Variants in SYTL5 observed in about 807,000 individuals in gnomAD.
SYTL5 encodes the protein synaptotagmin-like protein 5.
In SYTL5, 34 loss-of-function variants were observed where a neutral mutation model predicts 55.9. That is an observed-to-expected ratio of 0.61 (90% CI 0.46 to 0.81). SYTL5 has a LOEUF of 0.81. Among genes scored for constraint, SYTL5 ranks in the 30% least tolerant of loss-of-function variants. The pLI, the probability that SYTL5 is intolerant of heterozygous loss-of-function variation, is 0.00. For synonymous variants in SYTL5, 221 were observed against 188.7 expected, an observed-to-expected ratio of 1.17 and a Z score of -1.40; for missense variants, 637 against 546.7, an observed-to-expected ratio of 1.17 and a Z score of -1.65.
the SYTL5 span, among the ~76,000 whole-genome samples, chrX:37,911,653 T>C: frequency 8.9e-6 from 1 of 111,823 alleles, no homozygotes; most frequent in Non-Finnish European, 1.9e-5. Flanking sequence ...AACAGTGAGC[T>C]ACATCAAAGA....
Position 38,125,218 on chromosome X carries a change from T to C in SYTL5, c.1842-80T>C, listed in dbSNP as rs778895699. Reference sequence around the variant, plus strand: ...TAGAAGCCTGGGAAGGAAAATCAAATAGACACATCACACTTGTGTACACGC... The same window carrying C: ...TAGAAGCCTGGGAAGGAAAATCAAACAGACACATCACACTTGTGTACACGC... On this transcript the variant is annotated intron_variant, in intron 15 of 16. Transcript: ENST00000297875. The C allele has an allele frequency of 4.9e-4, 412 of 845,146 alleles. 4 individuals carry two copies. In the South Asian group the frequency reaches 9.3e-3, roughly 19 times the overall value. The allele number at this position is 845,146 out of a possible 1,213,427, so 69.6% of individuals were successfully genotyped here.
intron 10 of SYTL5, chrX:38,103,129 A>G (rs1354483914): frequency 7.0e-6 from 7 of 997,545 alleles, no homozygotes; most frequent in Non-Finnish European, 9.6e-6. Context: ...CTTTCCAACC[A>G]TACTTCACAA....
chrX:38,100,148 A>G (rs1260294088), intron 9 of SYTL5, among the ~76,000 whole-genome samples: 1 of 111,083 alleles, frequency 9.0e-6, no homozygotes, highest in South Asian at 3.8e-4. Flanking sequence ...AGGAATTGGC[A>G]TTAATTCTTC....
chrX:37,898,170 G>A, the SYTL5 span, among the ~76,000 whole-genome samples: 66 of 111,848 alleles, frequency 5.9e-4, no homozygotes, highest in Non-Finnish European at 1.0e-3. Context: ...GTGTCCTCAC[G>A]TGGGGGAAGG....
At chrX:37,892,733 C>T in the SYTL5 span, among the ~76,000 whole-genome samples, 13 of 73,652 alleles carry the variant, frequency 1.8e-4, no homozygotes, top group South Asian at 2.4e-3. Context: ...AGTATATATA[C>T]GTATATTAGT....
At chrX:38,009,164 C>T (rs1299873168) in intron 1 of SYTL5, among the ~76,000 whole-genome samples, 2 of 111,791 alleles carry the variant, frequency 1.8e-5, no homozygotes, top group African/African-American at 3.2e-5. Flanking sequence ...CTTTTCTCTT[C>T]CTTAAGTTTG....
At chrX:37,938,859 T>C in the SYTL5 span, among the ~76,000 whole-genome samples, 3 of 112,241 alleles carry the variant, frequency 2.7e-5, no homozygotes, top group East Asian at 8.4e-4. Context: ...TGTTCTTTCA[T>C]CCAAATGAAG....
At chrX:37,892,276 G>A in the SYTL5 span, among the ~76,000 whole-genome samples, 1 of 109,408 alleles carries the variant, frequency 9.1e-6, no homozygotes, top group Non-Finnish European at 1.9e-5. Context: ...TAAAGCACAC[G>A]ACATTGGAGC....
the SYTL5 span, among the ~76,000 whole-genome samples, chrX:37,895,523 TCTCTCTC>T: frequency 9.5e-6 from 1 of 105,220 alleles, no homozygotes; most frequent in Non-Finnish European, 1.9e-5. Context: ...TTCTTTTCTT[TCTCTCTC>T]CTCTCTCCTT....
At chrX:38,069,194 A>G (rs1201847518) in intron 3 of SYTL5, among the ~76,000 whole-genome samples, 1 of 111,825 alleles carries the variant, frequency 8.9e-6, no homozygotes, top group Non-Finnish European at 1.9e-5. Flanking sequence ...TAGAACAAAT[A>G]TATTTCTATG....
intron 2 of SYTL5, among the ~76,000 whole-genome samples, chrX:38,048,945 T>C (rs1337157811): frequency 2.7e-5 from 3 of 112,029 alleles, no homozygotes; most frequent in Admixed American, 1.9e-4. Context: ...TTTTTTATAT[T>C]CAGAGTACAG....
chrX:38,108,340 T>C (rs1937266550), intron 11 of SYTL5, among the ~76,000 whole-genome samples: 1 of 111,541 alleles, frequency 9.0e-6, no homozygotes, highest in African/African-American at 3.3e-5. Flanking sequence ...GGTCACCAAA[T>C]CTCTGAGGCA....
intron 1 of SYTL5, chrX:38,023,762 A>T (rs1213812251): frequency 9.0e-6 from 1 of 111,090 alleles, no homozygotes. Flanking sequence ...TTTATCTTAT[A>T]ACTTATTTTT....
intron 6 of SYTL5, among the ~76,000 whole-genome samples, chrX:38,082,664 A>G (rs1439972775): frequency 1.8e-5 from 2 of 112,618 alleles, no homozygotes; most frequent in Non-Finnish European, 3.7e-5. Flanking sequence ...GGGAAAACCA[A>G]AGATAGGCAT....
chrX:37,950,911 C>T, the SYTL5 span, among the ~76,000 whole-genome samples: 1 of 110,609 alleles, frequency 9.0e-6, no homozygotes, highest in African/African-American at 3.3e-5. Context: ...TGTTATCCAT[C>T]CAACATGTAA....
chrX:38,123,345 T>A (rs994878958), intron 15 of SYTL5, among the ~76,000 whole-genome samples: 2 of 111,363 alleles, frequency 1.8e-5, no homozygotes, highest in African/African-American at 3.3e-5. Context: ...GCCAGGCTGG[T>A]CTTGAACTCC....
chrX:38,106,999 T>G, intron 11 of SYTL5, among the ~76,000 whole-genome samples: 1 of 112,819 alleles, frequency 8.9e-6, no homozygotes, highest in Admixed American at 9.3e-5. Flanking sequence ...TTGACATATT[T>G]GCAATTTACA....
chrX:38,002,544 G>T (rs754832161), upstream of SYTL5, among the ~76,000 whole-genome samples: 3 of 111,557 alleles, frequency 2.7e-5, no homozygotes, highest in Non-Finnish European at 1.9e-5. Context: ...CTGACTTTTG[G>T]ATGATCGCCA....
intron 1 of SYTL5, among the ~76,000 whole-genome samples, chrX:38,021,360 C>G (rs1051684462): frequency 3.6e-5 from 4 of 111,768 alleles, no homozygotes; most frequent in Non-Finnish European, 7.5e-5. Flanking sequence ...GGCATCACTT[C>G]TCAAATGTCT....
Sources: gnomAD v4.1 joint callset for allele counts (sites outside exome capture counted in the v4.1 genomes callset) on GRCh38, gnomAD v4.1.1 for gene constraint, MANE v1.5 for transcripts, NCBI Gene and HGNC (gene_info 2026-07-23, HGNC 2026-07-21) for gene names.